CEP170: variants seen among roughly 807,000 people sequenced by gnomAD.
CEP170 encodes centrosomal protein of 170 kDa.
Under a neutral mutation model 151.9 loss-of-function variants are expected in CEP170, and 21 were observed. The observed-to-expected ratio is 0.14, with a 90% confidence interval of 0.10 to 0.20. The LOEUF (loss-of-function observed/expected upper bound fraction) is 0.20. CEP170 is among the 10% of genes least tolerant of loss of function. The pLI, the probability that CEP170 is intolerant of heterozygous loss-of-function variation, is 1.00. For missense variants in CEP170, 964 were observed against 1,892.9 expected (o/e 0.51, Z 9.11); for synonymous variants, 356 against 648.8 (o/e 0.55, Z 6.86).
chr1:243,194,630 G>C (rs979452682), intron 7 of CEP170, among the ~76,000 whole-genome samples: 2 of 151,856 alleles, frequency 1.3e-5, no homozygotes, highest in Non-Finnish European at 2.9e-5. Context: ...AACTACACTT[G>C]AGAAGTACCT....
At chr1:243,189,357 C>A (rs1169066077) in intron 8 of CEP170, among the ~76,000 whole-genome samples, 1 of 151,900 alleles carries the variant, frequency 6.6e-6, no homozygotes, top group African/African-American at 2.4e-5. Flanking sequence ...GAGATCAAGA[C>A]CATCCTGGCT....
chr1:243,183,960 C>T (rs2059789810), intron 10 of CEP170, among the ~76,000 whole-genome samples: 1 of 152,156 alleles, frequency 6.6e-6, no homozygotes, highest in South Asian at 2.1e-4. Context: ...GCTACAATGA[C>T]TTCTTTCTTG....
chr1:243,186,716 G>A (rs1432565492), intron 8 of CEP170, among the ~76,000 whole-genome samples: 4 of 152,000 alleles, frequency 2.6e-5, no homozygotes, highest in Admixed American at 6.6e-5. Flanking sequence ...CTATCTCTGC[G>A]ATATTTGTAT....
rs567642583 is a variant in CEP170 at position 243,204,087 on chromosome 1, TA to T, written c.275-3253del. Among the ~76,000 whole-genome samples the T allele has an allele frequency of 1.4e-3, 208 of 152,316 alleles. 1 individual carries two copies. The highest frequency in any genetic ancestry group is 4.8e-3 in the African/African-American group (199 of 41,588). On this transcript the variant is annotated intron_variant, in intron 4 of 19. Coordinates refer to ENST00000366542, the MANE Select transcript of CEP170 (RefSeq NM_014812.3). The stretch of plus-strand genomic sequence containing the variant: ...TTCATCCAAAAAAGCTCATTTCCAT[TA>T]ATTTTTAAAATTTAGTTCTTTTAAG...
chr1:243,197,204 G>C (rs2148812280), intron 7 of CEP170, among the ~76,000 whole-genome samples: 1 of 152,186 alleles, frequency 6.6e-6, no homozygotes, highest in South Asian at 2.1e-4. Flanking sequence ...AAAGGCAACA[G>C]ACCTAAGGAT....
intron 6 of CEP170, among the ~76,000 whole-genome samples, chr1:243,200,123 G>A (rs1368221858): frequency 6.6e-6 from 1 of 151,690 alleles, no homozygotes; most frequent in Non-Finnish European, 1.5e-5. Context: ...ATTGTATTAG[G>A]TATTATAAGT....
intron 10 of CEP170, among the ~76,000 whole-genome samples, chr1:243,174,686 ATTGT>A (rs942971700): frequency 3.9e-5 from 6 of 152,228 alleles, no homozygotes; most frequent in Non-Finnish European, 7.4e-5. Context: ...CAAATTATGT[ATTGT>A]TTATTTTAAA....
At chr1:243,232,185 G>C (rs189100963) in intron 1 of CEP170, among the ~76,000 whole-genome samples, 4 of 151,942 alleles carry the variant, frequency 2.6e-5, no homozygotes, top group African/African-American at 4.8e-5. Flanking sequence ...GGCTGGTCTT[G>C]AACTCATGAG....
chr1:243,145,645 C>T (rs544364249), intron 14 of CEP170, among the ~76,000 whole-genome samples: 1 of 152,268 alleles, frequency 6.6e-6, no homozygotes, highest in Non-Finnish European at 1.5e-5. Flanking sequence ...CCAGAGGATA[C>T]ACACATGAAC....
At chr1:243,164,175 ATGAG>A in intron 13 of CEP170, 105 bp downstream of exon 13, 1 of 1,267,936 alleles carries the variant, frequency 7.9e-7, no homozygotes, top group African/African-American at 1.5e-5. Flanking sequence ...TTTGTTTTGA[ATGAG>A]TATCTTGGGA....
At position 243,211,951 on chromosome 1, in the gene CEP170, T is replaced by C; in HGVS notation, c.209A>G (p.Asp70Gly). Residue 70 changes from aspartate to glycine, a missense_variant, in exon 4 of 20, where the codon GAT (aspartate) becomes GGT (glycine). Transcript: ENST00000366542. ...LGSLNGTFVN[D>G]VRIPEQTYIT... The stretch of plus-strand genomic sequence containing the variant: ...ATAAGTCTGTTCCGGAATCCTTACA[T>C]CATTCACAAAAGTCTACAAGGAAAC... 2 of 1,535,394 alleles carry C rather than the reference T, an allele frequency of 1.3e-6. No homozygotes were observed. The highest frequency in any genetic ancestry group is 1.7e-6 in the Non-Finnish European group (2 of 1,146,348).
chr1:243,223,871 T>A (rs140358523), intron 2 of CEP170, among the ~76,000 whole-genome samples: 102 of 152,202 alleles, frequency 6.7e-4, no homozygotes, highest in African/African-American at 2.3e-3. Context: ...GAAAAAAAAA[T>A]TCCTATGTTT....
At chr1:243,175,957 T>C (rs537096275) in intron 10 of CEP170, among the ~76,000 whole-genome samples, 17 of 152,138 alleles carry the variant, frequency 1.1e-4, no homozygotes, top group Middle Eastern at 3.4e-3. Context: ...CCACTACGCC[T>C]GGCTAATTTT....
At position 243,191,350 on chromosome 1, in the gene CEP170, A is replaced by G. The variant is rs2060294427; in HGVS notation, c.776T>C (p.Ile259Thr). 1.2e-6 allele frequency: 2 copies of G among 1,612,398 alleles called. No homozygotes were observed. The highest frequency in any genetic ancestry group is 2.2e-5 in the East Asian group (1 of 44,866). The part of the protein sequence containing the change: ...QQPSQITEST[I>T]HEIPTKDTPS... Reference sequence around the variant, plus strand: ...CGTGTCTTTTGTTGGGATTTCATGAATAGTGCTTTCTGTTATTTGTGATGG... The same window carrying G: ...CGTGTCTTTTGTTGGGATTTCATGAGTAGTGCTTTCTGTTATTTGTGATGG... The change falls in exon 8 of 20, where the codon ATT becomes ACT. Residue 259 changes from isoleucine to threonine, a missense_variant. Ile to Thr is a moderately conservative substitution (Grantham distance 89, BLOSUM62 -1). Transcript: ENST00000366542.
At chr1:243,229,589 A>C (rs890332799) in intron 1 of CEP170, among the ~76,000 whole-genome samples, 3 of 152,152 alleles carry the variant, frequency 2.0e-5, no homozygotes, top group Non-Finnish European at 4.4e-5. Flanking sequence ...CACAATCCCA[A>C]CAGCTCCAAG....
At position 243,164,208 on chromosome 1, in the gene CEP170, T is replaced by A. The variant is rs919405156; in HGVS notation, c.3676+76A>T. The A allele has an allele frequency of 4.4e-5, 54 of 1,235,486 alleles. No homozygotes were observed. In the African/African-American group the frequency reaches 8.6e-4, roughly 20 times the overall value. The allele number at this position is 1,235,486 out of a possible 1,614,324, so 76.5% of individuals were successfully genotyped here. On this transcript the variant is annotated intron_variant, in intron 13 of 19. Coordinates refer to ENST00000366542, the MANE Select transcript of CEP170 (RefSeq NM_014812.3). ...CTTGGGAAGACAACTAGAACCTTACTTTTTTTTTTAAAAAAAAAAAGGAGC... is the reference window on the plus strand; with the variant it reads ...CTTGGGAAGACAACTAGAACCTTACATTTTTTTTTAAAAAAAAAAAGGAGC...
intron 13 of CEP170, among the ~76,000 whole-genome samples, chr1:243,158,230 G>A (rs1440430100): frequency 6.6e-6 from 1 of 152,006 alleles, no homozygotes; most frequent in Non-Finnish European, 1.5e-5. Flanking sequence ...AAATTTGTAC[G>A]TTTCAAAAAA....
At chr1:243,243,610 G>A (rs1048934377) in intron 1 of CEP170, among the ~76,000 whole-genome samples, 3 of 151,868 alleles carry the variant, frequency 2.0e-5, no homozygotes, top group Non-Finnish European at 2.9e-5. Flanking sequence ...TGCAACCTCT[G>A]CCTCCCAGGT....
At chr1:243,233,788 C>A in intron 1 of CEP170, among the ~76,000 whole-genome samples, 1 of 148,334 alleles carries the variant, frequency 6.7e-6, no homozygotes. Context: ...TGTTCCTATT[C>A]ACATATCATT....
Sources: allele counts gnomAD v4.1 joint callset (sites outside exome capture counted in the v4.1 genomes callset), GRCh38; gene constraint gnomAD v4.1.1; transcripts MANE v1.5; gene names NCBI Gene and HGNC (gene_info 2026-07-23, HGNC 2026-07-21).